Variants in LSS observed in about 807,000 individuals in gnomAD.
LSS encodes lanosterol synthase.
Under a neutral mutation model 110.3 loss-of-function variants are expected in LSS, and 90 were observed. That is an observed-to-expected ratio of 0.82 (90% CI 0.69 to 0.97). The LOEUF (loss-of-function observed/expected upper bound fraction) is 0.97, where lower values mean the gene tolerates loss of function less well. Ranked by LOEUF, LSS falls within the 50% of genes least tolerant of loss-of-function variation. The pLI is 0.00. For missense variants in LSS, 927 were observed against 990.0 expected (o/e 0.94, Z 0.85); for synonymous variants, 433 against 400.0 (o/e 1.08, Z -0.98).
rs1025050067 is a variant in LSS at position 46,215,071 on chromosome 21, A to G, written c.1011+109T>C. ...AGGGCCACCTCCCAAATGGAGGTAC[A>G]CCAGGCTCCAGGAAACCCCACTCCC... is the stretch of plus-strand genomic sequence containing the variant. On this transcript the variant is annotated intron_variant, in intron 9 of 21. Coordinates refer to ENST00000397728, the MANE Select transcript of LSS (RefSeq NM_002340.6). 2.8e-5 allele frequency: 24 copies of G among 868,666 alleles called. No individual in the cohort carries two copies. The Admixed American group carries it at 4.2e-4, about 15-fold the overall frequency. The allele number at this position is 868,666 out of a possible 1,614,324, so 53.8% of individuals were successfully genotyped here. A position where few individuals can be genotyped will look rare whatever the true frequency, so the allele number is the denominator to read the frequency against.
intron 15 of LSS, 141 bp from the exon 16 acceptor site, chr21:46,206,909 C>A (rs796246925): frequency 4.4e-6 from 3 of 679,912 alleles, no homozygotes; most frequent in Non-Finnish European, 7.9e-6. Flanking sequence ...CTGATTTCCA[C>A]GTTAACCAAG....
chr21:46,195,925 CAAG>C (rs2123698970), intron 18 of LSS, among the ~76,000 whole-genome samples, 169 bp from the exon 19 acceptor site: 1 of 152,332 alleles, frequency 6.6e-6, no homozygotes, highest in African/African-American at 2.4e-5. Context: ...ACCCTAAGAG[CAAG>C]CAGAAAGGGT....
At chr21:46,218,655 A>G (rs993741375) in intron 6 of LSS, among the ~76,000 whole-genome samples, 14 of 152,124 alleles carry the variant, frequency 9.2e-5, no homozygotes, top group Non-Finnish European at 1.6e-4. Context: ...ACACCAGATA[A>G]TAAGAAATTA....
chr21:46,191,581 A>C (rs938152815), intron 21 of LSS, among the ~76,000 whole-genome samples: 1 of 152,202 alleles, frequency 6.6e-6, no homozygotes. Flanking sequence ...GTGAGGGGCC[A>C]CTAGGTCATC....
intron 13 of LSS, among the ~76,000 whole-genome samples, chr21:46,208,592 G>T (rs571725453): frequency 6.6e-6 from 1 of 152,200 alleles, no homozygotes; most frequent in Non-Finnish European, 1.5e-5. Flanking sequence ...CCACCGGCCA[G>T]AAGGCAGGGA....
At chr21:46,213,915 A>G (rs2080167179) in intron 9 of LSS, 80 bp from the exon 10 acceptor site, 2 of 964,876 alleles carry the variant, frequency 2.1e-6, no homozygotes, top group Admixed American at 3.9e-5. Flanking sequence ...CCAGATCCAC[A>G]GCAGCCCCCA....
chr21:46,223,843 G>A (rs2080306007), intron 3 of LSS, among the ~76,000 whole-genome samples: 1 of 152,226 alleles, frequency 6.6e-6, no homozygotes, highest in Admixed American at 6.5e-5. Flanking sequence ...CGTCTGGGAA[G>A]ACGCCCGTTG....
chr21:46,195,731 C>T lies in LSS; in HGVS notation c.1762G>A (p.Gly588Ser), dbSNP rs561449819. The T allele has an allele frequency of 7.4e-5, 120 of 1,613,802 alleles. 2 individuals carry two copies. The South Asian group carries it at 1.1e-3, about 14-fold the overall frequency. Residue 588 changes from glycine (G) to serine (S), a missense_variant, in exon 19 of 22, where the codon GGC becomes AGC. Gly to Ser is a moderately conservative substitution (Grantham distance 56). Transcript: ENST00000397728. ...EGSWGVCFTY[G>S]TWFGLEAFAC... ...AAGGCCTCCAGGCCAAACCAGGTGC[C>T]GTAGGTGAAGCAAACTCCCCAGGAG... is the stretch of plus-strand genomic sequence containing the variant.
intron 2 of LSS, among the ~76,000 whole-genome samples, chr21:46,228,049 TG>T (rs2080373547): frequency 1.3e-5 from 2 of 152,228 alleles, no homozygotes; most frequent in African/African-American, 4.8e-5. Context: ...TTTCCCTCGG[TG>T]GCCGGGGCTC....
rs368577083 is a variant in LSS at position 46,219,464 on chromosome 21, C to G, written c.647+12G>C. 1.3e-5 allele frequency: 20 copies of G among 1,573,510 alleles called. No homozygotes were observed. The highest frequency in any genetic ancestry group is 1.6e-5 in the Non-Finnish European group (19 of 1,158,652). ...AGCAGCGACCCAACAACCCAATCAACAGCAGACATACCACATCTCTGGGAA... is the reference window on the plus strand; with the variant it reads ...AGCAGCGACCCAACAACCCAATCAAGAGCAGACATACCACATCTCTGGGAA... On this transcript the variant is annotated intron_variant, in intron 6 of 21. Transcript: ENST00000397728.
At chr21:46,213,450 C>T (rs915742711) in intron 10 of LSS, among the ~76,000 whole-genome samples, 1 of 152,154 alleles carries the variant, frequency 6.6e-6, no homozygotes, top group Non-Finnish European at 1.5e-5. Flanking sequence ...CTGACAAGCT[C>T]CCCTTGTCCA....
chr21:46,207,832 C>G (rs1405708030), intron 14 of LSS, among the ~76,000 whole-genome samples: 1 of 152,218 alleles, frequency 6.6e-6, no homozygotes, highest in African/African-American at 2.4e-5. Flanking sequence ...CAGGATGGGG[C>G]CCAGGTGCCC....
At chr21:46,194,440 G>A (rs1430915783) in intron 20 of LSS, 51 bp downstream of exon 20, 2 of 1,603,192 alleles carry the variant, frequency 1.2e-6, no homozygotes, top group East Asian at 4.5e-5. Flanking sequence ...ACAGCTGAGT[G>A]TCCCTCCTCT....
Position 46,228,438 on chromosome 21 carries a change from T to C in LSS, c.176A>G (p.Asp59Gly). Reference protein sequence around the residue: ...TGLEAYALGLDTKNYFKDLPK... With the variant: ...TGLEAYALGLGTKNYFKDLPK... ...CGCTCCGCGGAAGCAACTTACGGTG[T>C]CCAGCCCCAGGGCGTAGGCTTCCAG... Residue 59 changes from aspartate (D) to glycine (G), a missense_variant, in exon 2 of 22, where the codon GAC becomes GGC. Asp to Gly is a moderately conservative substitution (Grantham distance 94). Transcript: ENST00000397728. 2 of 1,602,630 alleles carry C rather than the reference T, an allele frequency of 1.2e-6. No individual in the cohort carries two copies. The highest frequency in any genetic ancestry group is 1.7e-6 in the Non-Finnish European group (2 of 1,179,552).
chr21:46,196,367 C>T, intron 17 of LSS, 100 bp from the exon 18 acceptor site: 1 of 937,236 alleles, frequency 1.1e-6, no homozygotes, highest in Non-Finnish European at 1.7e-6. Flanking sequence ...AGAATGGTCT[C>T]CCTTAAAAAC....
At chr21:46,196,145 G>T in intron 18 of LSS, 57 bp downstream of exon 18, 1 of 1,530,966 alleles carries the variant, frequency 6.5e-7, no homozygotes, top group Non-Finnish European at 9.0e-7. Context: ...CAGTGTGTGA[G>T]AGCAGAAACC....
At chr21:46,218,653 T>C (rs1472524324) in intron 6 of LSS, among the ~76,000 whole-genome samples, 1 of 150,826 alleles carries the variant, frequency 6.6e-6, no homozygotes, top group East Asian at 1.9e-4. Context: ...ACACACCAGA[T>C]AATAAGAAAT....
intron 18 of LSS, among the ~76,000 whole-genome samples, 166 bp from the exon 19 acceptor site, chr21:46,195,922 G>C (rs566695900): frequency 2.0e-5 from 3 of 152,330 alleles, no homozygotes; most frequent in Non-Finnish European, 4.4e-5. Flanking sequence ...TGGACCCTAA[G>C]AGCAAGCAGA....
At chr21:46,228,243 C>T (rs983768882) in intron 2 of LSS, among the ~76,000 whole-genome samples, 191 bp downstream of exon 2, 1 of 152,258 alleles carries the variant, frequency 6.6e-6, no homozygotes, top group Non-Finnish European at 1.5e-5. Context: ...CATTAGGAGT[C>T]TCCTATGCGT....
Sources: allele counts gnomAD v4.1 joint callset (sites outside exome capture counted in the v4.1 genomes callset), GRCh38; gene constraint gnomAD v4.1.1; transcripts MANE v1.5; gene names NCBI Gene and HGNC (gene_info 2026-07-23, HGNC 2026-07-21).